The following LPP variants were observed in gnomAD, a reference collection of about 807,000 sequenced individuals.
LPP encodes lipoma-preferred partner.
LPP carries 38 observed loss-of-function variants against 60.4 expected under a neutral mutation model. The ratio of observed to expected loss-of-function variants is 0.63; its 90% CI spans 0.49 to 0.83. The LOEUF is 0.83. LPP is among the 40% of genes least tolerant of loss of function. The pLI is 0.00. For synonymous variants in LPP, 328 were observed against 290.8 expected (o/e 1.13, Z -1.30); for missense variants, 902 against 783.6 (o/e 1.15, Z -1.80).
intron 7 of LPP, among the ~76,000 whole-genome samples, chr3:188,668,480 A>C (rs1458556825): frequency 6.6e-6 from 1 of 152,190 alleles, no homozygotes; most frequent in Non-Finnish European, 1.5e-5. Flanking sequence ...CAGTATGTAT[A>C]ATTGCTTCCA....
At chr3:188,825,674 C>T (rs898766588) in intron 9 of LPP, among the ~76,000 whole-genome samples, 1 of 152,046 alleles carries the variant, frequency 6.6e-6, no homozygotes, top group African/African-American at 2.4e-5. Flanking sequence ...CAGCCTTAAC[C>T]GACTGCCTCC....
chr3:188,614,718 T>C (rs1318283548), intron 7 of LPP, among the ~76,000 whole-genome samples: 2 of 152,188 alleles, frequency 1.3e-5, no homozygotes, highest in Non-Finnish European at 2.9e-5. Context: ...CCGTGGCAAG[T>C]GACTGAATGT....
intron 2 of LPP, among the ~76,000 whole-genome samples, chr3:188,319,865 A>G (rs1030113814): frequency 6.6e-6 from 1 of 152,082 alleles, no homozygotes; most frequent in Non-Finnish European, 1.5e-5. Flanking sequence ...GATCTAGTTT[A>G]GGATGCTGCT....
intron 1 of LPP, among the ~76,000 whole-genome samples, chr3:188,199,246 G>A (rs1265760244): frequency 6.6e-6 from 1 of 152,162 alleles, no homozygotes; most frequent in African/African-American, 2.4e-5. Flanking sequence ...GCATTAGCAG[G>A]TGCAGGAAGA....
At chr3:188,240,463 A>G (rs2149449535) in intron 2 of LPP, among the ~76,000 whole-genome samples, 1 of 152,108 alleles carries the variant, frequency 6.6e-6, no homozygotes, top group African/African-American at 2.4e-5. Flanking sequence ...CTTCATAGGC[A>G]CAGAATTTCT....
chr3:188,488,311 CA>C (rs915773955), intron 5 of LPP, among the ~76,000 whole-genome samples: 1 of 151,908 alleles, frequency 6.6e-6, no homozygotes, highest in Admixed American at 6.6e-5. Flanking sequence ...TTTATTTCTT[CA>C]AAAAAGGCAA....
chr3:188,480,207 A>C (rs1466776681), intron 4 of LPP, among the ~76,000 whole-genome samples: 2 of 152,242 alleles, frequency 1.3e-5, no homozygotes, highest in Admixed American at 1.3e-4. Flanking sequence ...TATGCCTAAC[A>C]GGCTGTTTTC....
intron 2 of LPP, among the ~76,000 whole-genome samples, chr3:188,242,424 A>AG (rs1029305222): frequency 1.3e-5 from 2 of 151,434 alleles, no homozygotes; most frequent in African/African-American, 4.9e-5. Flanking sequence ...GGAAAAAAAA[A>AG]CCACACACAT....
intron 2 of LPP, among the ~76,000 whole-genome samples, chr3:188,245,486 C>A (rs1726594368): frequency 1.3e-5 from 2 of 152,148 alleles, no homozygotes; most frequent in African/African-American, 4.8e-5. Context: ...AGAGAAAATT[C>A]TCAGTAGATG....
rs140389712 is a variant in LPP, at chr3:188,266,392, G to T, written c.-67+40865G>T. 5.3e-5 allele frequency among the ~76,000 whole-genome samples: 8 copies of T among 152,164 alleles called. No individual in the cohort carries two copies. In the East Asian group the frequency reaches 1.5e-3, roughly 29 times the overall value. On this transcript the variant is annotated intron_variant, in intron 2 of 11. Coordinates refer to ENST00000617246, the MANE Select transcript of LPP (RefSeq NM_001375462.1). ...GATACGTTTTTTAGATGGATTGGCCGCACAGCGCAGGAGACTGTCGCTTCC... is the reference window on the plus strand; with the variant it reads ...GATACGTTTTTTAGATGGATTGGCCTCACAGCGCAGGAGACTGTCGCTTCC...
intron 9 of LPP, among the ~76,000 whole-genome samples, chr3:188,793,339 G>A (rs1461164337): frequency 6.6e-5 from 10 of 151,826 alleles, no homozygotes; most frequent in African/African-American, 2.4e-4. Context: ...CCACCACCAC[G>A]CCCAGCTAAT....
intron 2 of LPP, among the ~76,000 whole-genome samples, chr3:188,339,707 C>T (rs899283222): frequency 2.0e-5 from 3 of 152,176 alleles, no homozygotes; most frequent in Non-Finnish European, 2.9e-5. Flanking sequence ...TACCTGGTAT[C>T]ACCCTTGACT....
rs189176410 is a variant in LPP at position 188,290,585 on chromosome 3, C to A, written c.-66-51078C>A. ...ACACAGTGAATAGTTTAGGACTGTT[C>A]ATGTTCCCGGCCTCTTCACTCCAAG... On this transcript the variant is annotated intron_variant, in intron 2 of 11. Transcript: ENST00000617246. Among the ~76,000 whole-genome samples, 3 of 151,912 alleles carry A rather than the reference C, an allele frequency of 2.0e-5. No individual in the cohort carries two copies. The East Asian group carries it at 5.8e-4, about 29-fold the overall frequency.
At chr3:188,796,858 A>G (rs2151092772) in intron 9 of LPP, among the ~76,000 whole-genome samples, 1 of 152,270 alleles carries the variant, frequency 6.6e-6, no homozygotes, top group East Asian at 1.9e-4. Context: ...CCATTTTTCT[A>G]CACAGACCCC....
intron 7 of LPP, among the ~76,000 whole-genome samples, chr3:188,707,113 C>A (rs1430689400): frequency 6.6e-6 from 1 of 151,704 alleles, no homozygotes; most frequent in South Asian, 2.1e-4. Flanking sequence ...ATATTTGATT[C>A]TCTTGCATTG....
At chr3:188,391,125 G>A (rs1172949864) in intron 3 of LPP, among the ~76,000 whole-genome samples, 1 of 152,208 alleles carries the variant, frequency 6.6e-6, no homozygotes, top group African/African-American at 2.4e-5. Context: ...ATCTGTGGAG[G>A]TGTGGAATGT....
intron 4 of LPP, among the ~76,000 whole-genome samples, chr3:188,453,674 T>G (rs924262983): frequency 6.6e-5 from 10 of 152,042 alleles, no homozygotes; most frequent in Admixed American, 1.3e-4. Context: ...TTTAAATATT[T>G]CTACTTCCAC....
intron 7 of LPP, among the ~76,000 whole-genome samples, chr3:188,684,870 A>G (rs1860341270): frequency 6.6e-6 from 1 of 152,226 alleles, no homozygotes; most frequent in Admixed American, 6.5e-5. Flanking sequence ...AATTGGCAGA[A>G]TTAATGAAAC....
At position 188,648,006 on chromosome 3, in the gene LPP, C is replaced by T. The variant is rs190381495; in HGVS notation, c.1113+38162C>T. On this transcript the variant is annotated intron_variant, in intron 7 of 11. Transcript: ENST00000617246. ...TCTGGAATAATCATTAGACCTTTTTCACTCTGCTTGTTGTGAGGTTCAAAC... is the reference window on the plus strand; with the variant it reads ...TCTGGAATAATCATTAGACCTTTTTTACTCTGCTTGTTGTGAGGTTCAAAC... Among the ~76,000 whole-genome samples the T allele has an allele frequency of 7.8e-4, 119 of 152,270 alleles. 3 individuals carry two copies. In the East Asian group the frequency reaches 0.021, roughly 27 times the overall value.
Sources: gnomAD v4.1 joint callset for allele counts (sites outside exome capture counted in the v4.1 genomes callset) on GRCh38, gnomAD v4.1.1 for gene constraint, MANE v1.5 for transcripts, NCBI Gene and HGNC (gene_info 2026-07-23, HGNC 2026-07-21) for gene names.